Variants in ERG observed in about 807,000 individuals in gnomAD.
The protein encoded by ERG is transcriptional regulator ERG.
In ERG, 9 loss-of-function variants were observed where a neutral mutation model predicts 55.3. The ratio of observed to expected loss-of-function variants is 0.16; its 90% CI spans 0.10 to 0.28. The LOEUF is 0.28. Ranked by LOEUF, ERG falls within the 10% of genes least tolerant of loss-of-function variation. The probability of loss-of-function intolerance (pLI) is 1.00; values close to 1 mark genes in which losing one functional copy is unlikely to be tolerated. For missense variants in ERG, 434 were observed against 631.6 expected (o/e 0.69, Z 3.35); for synonymous variants, 223 against 237.3 (o/e 0.94, Z 0.55).
At chr21:38,470,010 C>T (rs1273244286) in intron 1 of ERG, among the ~76,000 whole-genome samples, 1 of 152,178 alleles carries the variant, frequency 6.6e-6, no homozygotes, top group Non-Finnish European at 1.5e-5. Context: ...TATGCATCTA[C>T]CTCAGGCCAT....
chr21:38,516,803 A>G (rs1184885591), intron 2 of ERG, among the ~76,000 whole-genome samples: 1 of 152,124 alleles, frequency 6.6e-6, no homozygotes, highest in Non-Finnish European at 1.5e-5. Flanking sequence ...TAACCCAGAA[A>G]TAAATCCACA....
chr21:38,638,772 G>A (rs753875800), intron 1 of ERG, among the ~76,000 whole-genome samples: 15 of 152,156 alleles, frequency 9.9e-5, no homozygotes, highest in Non-Finnish European at 2.2e-4. Flanking sequence ...GAGAGTGTAT[G>A]AGTGTTGGAG....
intron 1 of ERG, among the ~76,000 whole-genome samples, chr21:38,658,237 A>G (rs898806329): frequency 2.0e-5 from 3 of 152,258 alleles, no homozygotes; most frequent in Admixed American, 1.3e-4. Flanking sequence ...TCAGCTGTCA[A>G]CTTAAACTGA....
chr21:38,493,834 C>T (rs1339401876), intron 1 of ERG, among the ~76,000 whole-genome samples: 2 of 152,196 alleles, frequency 1.3e-5, no homozygotes. Context: ...GCTGCCCAGA[C>T]CCAGATGTAC....
At chr21:38,614,425 C>T (rs2060247035) in intron 1 of ERG, among the ~76,000 whole-genome samples, 1 of 152,160 alleles carries the variant, frequency 6.6e-6, no homozygotes, top group Non-Finnish European at 1.5e-5. Flanking sequence ...TAGACATCTA[C>T]TCTGGGTTTC....
intron 2 of ERG, among the ~76,000 whole-genome samples, chr21:38,566,793 G>A (rs1490457064): frequency 1.3e-5 from 2 of 152,194 alleles, no homozygotes; most frequent in Non-Finnish European, 2.9e-5. Context: ...AATTATCTGA[G>A]CAAGATACGC....
In ERG at chr21:38,610,768, T is replaced by C. The variant is rs145369037; in HGVS notation, c.-149-25823A>G. Among the ~76,000 whole-genome samples, 938 of 152,302 alleles carry C rather than the reference T, an allele frequency of 6.2e-3. 7 individuals carry two copies. Among genetic ancestry groups the C allele is most frequent in the Non-Finnish European group, 9.7e-3 (659 of 68,028 alleles). The stretch of plus-strand genomic sequence containing the variant: ...GACTGTGCATCTTGGCCACCTCTAA[T>C]GCAATGCAACACCAACCCACGCTGT... On this transcript the variant is annotated intron_variant, in intron 1 of 10. Transcript: ENST00000398910.
chr21:38,561,417 T>C (rs900097224), intron 2 of ERG, among the ~76,000 whole-genome samples: 4 of 152,062 alleles, frequency 2.6e-5, no homozygotes, highest in Non-Finnish European at 5.9e-5. Context: ...TAGGTCACTT[T>C]TGTAACACAC....
intron 2 of ERG, among the ~76,000 whole-genome samples, chr21:38,561,341 T>C (rs965121214): frequency 2.0e-5 from 3 of 152,176 alleles, no homozygotes; most frequent in Admixed American, 6.5e-5. Flanking sequence ...CAGGACATTG[T>C]GCCCTGAAGG....
At chr21:38,454,999 G>T (rs932351052) in intron 1 of ERG, among the ~76,000 whole-genome samples, 2 of 152,102 alleles carry the variant, frequency 1.3e-5, no homozygotes, top group South Asian at 4.1e-4. Flanking sequence ...AGGAAGGAAT[G>T]AATCCTGGTA....
At chr21:38,582,961 T>C (rs1047880806) in intron 1 of ERG, among the ~76,000 whole-genome samples, 2 of 152,214 alleles carry the variant, frequency 1.3e-5, no homozygotes, top group African/African-American at 4.8e-5. Context: ...ATAAATAAAT[T>C]GCTAATTTTC....
intron 1 of ERG, among the ~76,000 whole-genome samples, chr21:38,647,633 T>C (rs1020974500): frequency 3.9e-5 from 6 of 152,228 alleles, no homozygotes; most frequent in Non-Finnish European, 8.8e-5. Flanking sequence ...TAAGCCTAAA[T>C]GTAACTACAT....
intron 2 of ERG, among the ~76,000 whole-genome samples, chr21:38,530,340 G>A (rs1033216635): frequency 2.0e-5 from 3 of 152,172 alleles, no homozygotes; most frequent in African/African-American, 7.2e-5. Flanking sequence ...GATTGCAGAA[G>A]TGAGCCACTG....
intron 2 of ERG, among the ~76,000 whole-genome samples, chr21:38,563,122 C>T (rs1173371996): frequency 3.3e-5 from 5 of 152,036 alleles, no homozygotes; most frequent in East Asian, 1.9e-4. Context: ...CCTAGGAGGT[C>T]GGGAGGGATG....
At chr21:38,488,336 T>C (rs1313602558) in intron 1 of ERG, among the ~76,000 whole-genome samples, 1 of 152,208 alleles carries the variant, frequency 6.6e-6, no homozygotes, top group African/African-American at 2.4e-5. Flanking sequence ...GTACAGTGTG[T>C]AAACATCACC....
intron 2 of ERG, among the ~76,000 whole-genome samples, chr21:38,546,272 C>T (rs2059787186): frequency 6.6e-6 from 1 of 152,142 alleles, no homozygotes; most frequent in Admixed American, 6.5e-5. Context: ...TCTTCCTCTA[C>T]TCACACAGAA....
intron 1 of ERG, among the ~76,000 whole-genome samples, chr21:38,484,214 C>T (rs1484404655): frequency 6.6e-6 from 1 of 152,180 alleles, no homozygotes. Context: ...ATCCACCCGC[C>T]TCAACCTCCC....
intron 2 of ERG, among the ~76,000 whole-genome samples, chr21:38,541,957 A>G (rs959835969): frequency 7.6e-6 from 1 of 132,264 alleles, no homozygotes; most frequent in African/African-American, 2.9e-5. Context: ...GAAAGTACCA[A>G]TAGCTTCAAA....
At chr21:38,533,524 C>T (rs867466324) in intron 2 of ERG, among the ~76,000 whole-genome samples, 15 of 152,216 alleles carry the variant, frequency 9.9e-5, no homozygotes, top group Middle Eastern at 6.8e-3. Flanking sequence ...AAAAGGCATT[C>T]AGTTTAAATT....
Sources: gnomAD v4.1 joint callset for allele counts (sites outside exome capture counted in the v4.1 genomes callset) on GRCh38, gnomAD v4.1.1 for gene constraint, MANE v1.5 for transcripts, NCBI Gene and HGNC (gene_info 2026-07-23, HGNC 2026-07-21) for gene names.